The following PTBP3 variants were observed in gnomAD, a reference collection of about 807,000 sequenced individuals.
PTBP3 encodes polypyrimidine tract-binding protein 3.
PTBP3 carries 20 observed loss-of-function variants against 58.7 expected under a neutral mutation model. The observed-to-expected ratio is 0.34, with a 90% confidence interval of 0.24 to 0.50. PTBP3 has a LOEUF of 0.50. Among genes scored for constraint, PTBP3 ranks in the 20% least tolerant of loss-of-function variants. The probability of loss-of-function intolerance (pLI) is 0.98; values close to 1 mark genes in which losing one functional copy is unlikely to be tolerated. For synonymous variants in PTBP3, 185 were observed against 219.8 expected (o/e 0.84, Z 1.40); for missense variants, 509 against 637.2 (o/e 0.80, Z 2.17).
At chr9:112,299,853 G>A (rs931341986) in intron 1 of PTBP3, among the ~76,000 whole-genome samples, 1 of 152,152 alleles carries the variant, frequency 6.6e-6, no homozygotes, top group Admixed American at 6.5e-5. Flanking sequence ...TCTGAAATAA[G>A]AGCATATCTC....
intron 1 of PTBP3, among the ~76,000 whole-genome samples, chr9:112,311,307 CAT>C (rs1829463137): frequency 6.6e-6 from 1 of 151,880 alleles, no homozygotes; most frequent in Non-Finnish European, 1.5e-5. Flanking sequence ...TCTGTATAAA[CAT>C]GTACAGACTT....
At chr9:112,343,716 A>C in the PTBP3 span, among the ~76,000 whole-genome samples, 5 of 151,612 alleles carry the variant, frequency 3.3e-5, no homozygotes, top group Non-Finnish European at 7.4e-5. Flanking sequence ...GCTTGAACCC[A>C]GGAGGCGGAG....
chr9:112,303,174 C>T lies in PTBP3; in HGVS notation c.-51-5258G>A, dbSNP rs1176783697. Among the ~76,000 whole-genome samples, 5 of 152,270 alleles carry T rather than the reference C, an allele frequency of 3.3e-5. No homozygotes were observed. The East Asian group carries it at 7.7e-4, about 24-fold the overall frequency. ...TTTCTCCAAATAAATCATACTTATTCTGCATCTTTTTATGATATTATCCTG... is the reference window on the plus strand; with the variant it reads ...TTTCTCCAAATAAATCATACTTATTTTGCATCTTTTTATGATATTATCCTG... On this transcript the variant is annotated intron_variant, in intron 1 of 13. Transcript: ENST00000374257.
chr9:112,320,513 A>G (rs1829904075), intron 1 of PTBP3, among the ~76,000 whole-genome samples: 1 of 151,788 alleles, frequency 6.6e-6, no homozygotes, highest in South Asian at 2.1e-4. Context: ...ATTTTAATCA[A>G]TGCCAGGGAA....
intron 1 of PTBP3, chr9:112,332,894 A>G: frequency 6.3e-7 from 1 of 1,599,504 alleles, no homozygotes; most frequent in South Asian, 1.1e-5. Context: ...CGTATCTCAC[A>G]GCACAAGTCG....
chr9:112,333,594 C>G lies in PTBP3; in HGVS notation c.-176G>C, dbSNP rs1185421921. 1.5e-6 allele frequency: 2 copies of G among 1,296,220 alleles called. No individual in the cohort carries two copies. Among genetic ancestry groups the G allele is most frequent in the Non-Finnish European group, 2.2e-6 (2 of 921,070 alleles). The allele number at this position is 1,296,220 out of a possible 1,614,324, so 80.3% of individuals were successfully genotyped here. ...AGCGAGCTTTGGCTCTGCGGAGCCC[C>G]GGCCGGTCCGAGGTGGAAGGAGAGT... On this transcript the variant is annotated 5_prime_UTR_variant, in exon 1 of 14. Transcript: ENST00000374257.
chr9:112,310,687 A>C (rs1829437862), intron 1 of PTBP3, among the ~76,000 whole-genome samples: 1 of 152,248 alleles, frequency 6.6e-6, no homozygotes, highest in Non-Finnish European at 1.5e-5. Context: ...TAAAGTCTTA[A>C]GTGCTTCTTA....
Position 112,297,919 on chromosome 9 carries a change from G to T in PTBP3, c.-51-3C>A. The T allele has an allele frequency of 1.2e-6, 2 of 1,607,536 alleles. No individual in the cohort carries two copies. The highest frequency in any genetic ancestry group is 2.2e-5 in the South Asian group (2 of 89,606). On this transcript the variant is annotated splice_region_variant and splice_polypyrimidine_tract_variant and intron_variant, in intron 1 of 13. Coordinates refer to ENST00000374257, the MANE Select transcript of PTBP3 (RefSeq NM_001163788.4). ...GAAAGAAGCTCATCAGATCCCCGCT[G>T]AAAAGCAAAACCAATGTTTGGTTAA...
intron 1 of PTBP3, chr9:112,333,127 A>T (rs1438891671): frequency 4.0e-6 from 5 of 1,254,624 alleles, no homozygotes; most frequent in Non-Finnish European, 5.0e-6. Context: ...AAGTGTCGGG[A>T]GGCCGAGCTG....
At chr9:112,362,937 G>GT in the PTBP3 span, 2 of 267,194 alleles carry the variant, frequency 7.5e-6, no homozygotes, top group Non-Finnish European at 1.5e-5. Flanking sequence ...GCTTCTGGAA[G>GT]TTTCTGGTAC....
chr9:112,275,049 T>G (rs1333125366), intron 3 of PTBP3, among the ~76,000 whole-genome samples: 1 of 152,236 alleles, frequency 6.6e-6, no homozygotes, highest in Non-Finnish European at 1.5e-5. Flanking sequence ...AAGAATGAAG[T>G]GTTGCTCGGT....
chr9:112,310,418 A>G lies in PTBP3; in HGVS notation c.-51-12502T>C, dbSNP rs183096324. Among the ~76,000 whole-genome samples the G allele has an allele frequency of 1.4e-3, 215 of 152,366 alleles. 4 individuals carry two copies. Among genetic ancestry groups the G allele is most frequent in the Non-Finnish European group, 1.6e-4 (11 of 68,036 alleles). Reference sequence around the variant, plus strand: ...ATGATATCCAATCAAAAAGACATTCATTTGTATATTTATTCAGTTCTTACC... The same window carrying G: ...ATGATATCCAATCAAAAAGACATTCGTTTGTATATTTATTCAGTTCTTACC... On this transcript the variant is annotated intron_variant, in intron 1 of 13. Transcript: ENST00000374257.
rs202101958 is a variant in PTBP3 at position 112,311,199 on chromosome 9, T to G, written c.-51-13283A>C. The stretch of plus-strand genomic sequence containing the variant: ...TTGCAGTTATGGTGGAAAATGTGTT[T>G]TTTTTTTTTTAATATACGATTGGCC... On this transcript the variant is annotated intron_variant, in intron 1 of 13. Coordinates refer to ENST00000374257, the MANE Select transcript of PTBP3 (RefSeq NM_001163788.4). Among the ~76,000 whole-genome samples, 69 of 151,542 alleles carry G rather than the reference T, an allele frequency of 4.6e-4. 1 individual carries two copies. In the East Asian group the frequency reaches 7.2e-3, roughly 16 times the overall value.
intron 2 of PTBP3, among the ~76,000 whole-genome samples, chr9:112,280,357 CTGTT>C (rs1827802106): frequency 7.4e-6 from 1 of 134,394 alleles, no homozygotes; most frequent in Non-Finnish European, 1.7e-5. Context: ...GCCTGGGCTG[CTGTT>C]TATTTATTAT....
At chr9:112,288,803 G>C (rs1035126412) in intron 2 of PTBP3, among the ~76,000 whole-genome samples, 2 of 152,156 alleles carry the variant, frequency 1.3e-5, no homozygotes, top group Admixed American at 1.3e-4. Context: ...TTAATAATTT[G>C]ATGGATTTAA....
upstream of PTBP3, among the ~76,000 whole-genome samples, chr9:112,337,088 A>G (rs1210926817): frequency 1.3e-5 from 2 of 152,278 alleles, no homozygotes; most frequent in South Asian, 2.1e-4. Flanking sequence ...GGAGTGCAGT[A>G]GCGCGATCTC....
the PTBP3 span, among the ~76,000 whole-genome samples, chr9:112,349,972 C>G: frequency 1.3e-5 from 2 of 150,538 alleles, 1 homozygote; most frequent in South Asian, 4.2e-4. Flanking sequence ...CCCCACACAT[C>G]TGGTCACAGA....
chr9:112,318,752 T>A (rs978792115), intron 1 of PTBP3, among the ~76,000 whole-genome samples: 3 of 147,104 alleles, frequency 2.0e-5, no homozygotes, highest in African/African-American at 7.6e-5. Context: ...AGAGTGAGAC[T>A]GTCTCCAAAA....
intron 1 of PTBP3, among the ~76,000 whole-genome samples, chr9:112,330,143 C>G (rs113483316): frequency 0.012 from 1,838 of 152,174 alleles, 42 homozygotes; most frequent in African/African-American, 0.042. Flanking sequence ...TGTGAGCCAC[C>G]GCACCCGGCC....
Sources: gnomAD v4.1 joint callset for allele counts (sites outside exome capture counted in the v4.1 genomes callset) on GRCh38, gnomAD v4.1.1 for gene constraint, MANE v1.5 for transcripts, NCBI Gene and HGNC (gene_info 2026-07-23, HGNC 2026-07-21) for gene names.